The following IL1RAPL1 variants were observed in gnomAD, a reference collection of about 807,000 sequenced individuals.
IL1RAPL1 encodes interleukin 1 receptor accessory protein like 1.
Under a neutral mutation model 48.4 loss-of-function variants are expected in IL1RAPL1, and 3 were observed. That is an observed-to-expected ratio of 0.06 (90% confidence interval 0.03 to 0.16). The LOEUF is 0.16. IL1RAPL1 is among the 10% of genes least tolerant of loss of function. The pLI is 1.00. For synonymous variants in IL1RAPL1, 185 were observed against 187.7 expected (o/e 0.99, Z 0.12); for missense variants, 349 against 530.6 (o/e 0.66, Z 3.36).
intron 5 of IL1RAPL1, among the ~76,000 whole-genome samples, chrX:29,405,243 C>T (rs1023312845): frequency 1.8e-5 from 2 of 108,515 alleles, no homozygotes; most frequent in Admixed American, 9.8e-5. Flanking sequence ...GTACTTTTTT[C>T]GTTTTGTCAC....
At chrX:29,261,494 G>T (rs1369124547) in intron 2 of IL1RAPL1, among the ~76,000 whole-genome samples, 1 of 110,619 alleles carries the variant, frequency 9.0e-6, no homozygotes, top group Non-Finnish European at 1.9e-5. Flanking sequence ...CCACCCTCTT[G>T]CTCAACTCAA....
intron 2 of IL1RAPL1, among the ~76,000 whole-genome samples, chrX:29,193,806 A>G (rs1930395196): frequency 8.9e-6 from 1 of 111,940 alleles, no homozygotes; most frequent in Non-Finnish European, 1.9e-5. Context: ...CTAAAATACT[A>G]TATGTAGATT....
intron 2 of IL1RAPL1, among the ~76,000 whole-genome samples, chrX:28,846,022 C>A (rs1921499912): frequency 8.9e-6 from 1 of 111,858 alleles, no homozygotes; most frequent in African/African-American, 3.2e-5. Flanking sequence ...ATGCATCCAC[C>A]ATTATAGTAT....
chrX:29,136,069 T>C (rs1929119737), intron 2 of IL1RAPL1, among the ~76,000 whole-genome samples: 1 of 111,438 alleles, frequency 9.0e-6, no homozygotes, highest in Non-Finnish European at 1.9e-5. Flanking sequence ...AACTTTAAAT[T>C]ATCTACGTAA....
chrX:28,958,703 G>A (rs959331083), intron 2 of IL1RAPL1, among the ~76,000 whole-genome samples: 5 of 111,623 alleles, frequency 4.5e-5, no homozygotes, highest in African/African-American at 1.6e-4. Flanking sequence ...TCTAGAAAGG[G>A]TTAGAGGATC....
chrX:28,674,872 C>T (rs767580554), intron 1 of IL1RAPL1, among the ~76,000 whole-genome samples: 8 of 111,836 alleles, frequency 7.2e-5, no homozygotes, highest in Non-Finnish European at 3.8e-5. Context: ...AAATATCCAA[C>T]TCTATTTTTA....
chrX:29,445,736 T>TA (rs1333765488), intron 5 of IL1RAPL1, among the ~76,000 whole-genome samples: 2 of 111,816 alleles, frequency 1.8e-5, no homozygotes, highest in African/African-American at 6.5e-5. Context: ...CTTTGTGTGT[T>TA]AAAAATAGCT....
At chrX:29,128,575 T>TA (rs770357906) in intron 2 of IL1RAPL1, among the ~76,000 whole-genome samples, 54 of 111,675 alleles carry the variant, frequency 4.8e-4, no homozygotes, top group Non-Finnish European at 7.5e-4. Context: ...TCCCCTTTCA[T>TA]GAGTGGTTTA....
chrX:28,950,081 T>A (rs1372670750), intron 2 of IL1RAPL1, among the ~76,000 whole-genome samples: 1 of 104,702 alleles, frequency 9.6e-6, no homozygotes, highest in Non-Finnish European at 2.0e-5. Flanking sequence ...AGGTCTAACG[T>A]TTAAGTCTTT....
intron 5 of IL1RAPL1, among the ~76,000 whole-genome samples, chrX:29,421,155 C>T (rs1303763212): frequency 8.9e-6 from 1 of 112,005 alleles, no homozygotes; most frequent in African/African-American, 3.2e-5. Context: ...TTCCTTAGTT[C>T]AGCTAGAAAC....
chrX:29,842,967 C>T lies in IL1RAPL1; in HGVS notation c.779-74497C>T, dbSNP rs1458146813. Among the ~76,000 whole-genome samples, 3 of 112,037 alleles carry T rather than the reference C, an allele frequency of 2.7e-5. No individual in the cohort carries two copies. The Admixed American group carries it at 2.8e-4, about 11-fold the overall frequency. ...GATCCTACACTTGTACAACCCAAAA[C>T]AGAACTATCCCTGTATTTCACTAGG... On this transcript the variant is annotated intron_variant, in intron 6 of 10. Coordinates refer to ENST00000378993, the MANE Select transcript of IL1RAPL1 (RefSeq NM_014271.4).
chrX:29,939,861 A>AT (rs35163237), intron 8 of IL1RAPL1, among the ~76,000 whole-genome samples: 27,654 of 89,905 alleles, frequency 0.31, 4,068 homozygotes, highest in African/African-American at 0.4. Context: ...ATGAATGAGG[A>AT]TTTTTTTTTT....
chrX:29,458,088 T>A (rs1323331664), intron 5 of IL1RAPL1, among the ~76,000 whole-genome samples: 4 of 112,334 alleles, frequency 3.6e-5, no homozygotes, highest in Admixed American at 1.9e-4. Context: ...GCCTTGTACA[T>A]CCTTTGAAAA....
chrX:28,766,380 A>G (rs372470966), intron 1 of IL1RAPL1, among the ~76,000 whole-genome samples: 1 of 32,070 alleles, frequency 3.1e-5, no homozygotes, highest in African/African-American at 1.3e-4. Context: ...CACACTCTTT[A>G]AAAAAAAAAA....
At chrX:28,825,255 G>A (rs1224315387) in intron 2 of IL1RAPL1, among the ~76,000 whole-genome samples, 1 of 111,651 alleles carries the variant, frequency 9.0e-6, no homozygotes, top group Non-Finnish European at 1.9e-5. Flanking sequence ...AAGTTGTCAT[G>A]AAAAGGCATG....
chrX:29,834,927 A>G (rs1006390092), intron 6 of IL1RAPL1, among the ~76,000 whole-genome samples: 3 of 111,968 alleles, frequency 2.7e-5, no homozygotes, highest in Non-Finnish European at 5.6e-5. Flanking sequence ...GCTGTATATC[A>G]AAGTGGCAAA....
chrX:29,859,869 A>G (rs186060603), intron 6 of IL1RAPL1, among the ~76,000 whole-genome samples: 276 of 112,111 alleles, frequency 2.5e-3, no homozygotes, highest in South Asian at 4.8e-3. Context: ...ATTTAAAGAT[A>G]AAATACATTG....
intron 2 of IL1RAPL1, among the ~76,000 whole-genome samples, chrX:29,076,800 C>CTATCTATCTATA (rs1458499620): frequency 9.7e-6 from 1 of 103,036 alleles, no homozygotes; most frequent in Non-Finnish European, 2.0e-5. Context: ...GTCTGTCTGT[C>CTATCTATCTATA]TGTCTATCTA....
At chrX:29,540,764 A>G (rs1260894222) in intron 5 of IL1RAPL1, among the ~76,000 whole-genome samples, 2 of 112,109 alleles carry the variant, frequency 1.8e-5, no homozygotes, top group Admixed American at 9.5e-5. Flanking sequence ...GCCTTTCACC[A>G]TGTACAAAAA....
Sources: gnomAD v4.1 joint callset for allele counts (sites outside exome capture counted in the v4.1 genomes callset) on GRCh38, gnomAD v4.1.1 for gene constraint, MANE v1.5 for transcripts, NCBI Gene and HGNC (gene_info 2026-07-23, HGNC 2026-07-21) for gene names.